The following C1orf185 variants were observed in gnomAD, a reference collection of about 807,000 sequenced individuals.
C1orf185 encodes the protein uncharacterized protein C1orf185.
A neutral mutation model predicts 16.1 loss-of-function variants in C1orf185; 13 were observed. That is an observed-to-expected ratio of 0.81 (90% CI 0.53 to 1.28). The LOEUF is 1.28. Among genes scored for constraint, C1orf185 ranks in the 50% most tolerant of loss-of-function variants. The pLI is 0.00. For missense variants in C1orf185, 220 were observed against 225.2 expected, an observed-to-expected ratio of 0.98 and a Z score of 0.15; for synonymous variants, 80 against 76.9, an observed-to-expected ratio of 1.04 and a Z score of -0.21.
chr1:51,107,651 G>A (rs74080727), intron 1 of C1orf185, among the ~76,000 whole-genome samples: 2,324 of 152,172 alleles, frequency 0.015, 51 homozygotes, highest in African/African-American at 0.055. Flanking sequence ...TAAGTGGTAA[G>A]TTTGATGAAG....
At chr1:51,129,136 C>T (rs528145941) in intron 3 of C1orf185, among the ~76,000 whole-genome samples, 1 of 152,216 alleles carries the variant, frequency 6.6e-6, no homozygotes, top group South Asian at 2.1e-4. Flanking sequence ...CCACCTGCCT[C>T]GGCCTCCCAA....
intron 3 of C1orf185, among the ~76,000 whole-genome samples, chr1:51,143,482 T>C (rs1485779566): frequency 6.6e-6 from 1 of 152,210 alleles, no homozygotes; most frequent in Non-Finnish European, 1.5e-5. Context: ...ATTTAGTTAG[T>C]AGGTACTGCT....
At chr1:51,103,268 T>A (rs1269901275) in intron 1 of C1orf185, among the ~76,000 whole-genome samples, 1 of 151,666 alleles carries the variant, frequency 6.6e-6, no homozygotes, top group Non-Finnish European at 1.5e-5. Context: ...TAGACAGGGA[T>A]GGTGGCACAC....
chr1:51,134,859 G>A (rs1340122672), intron 3 of C1orf185, among the ~76,000 whole-genome samples: 1 of 152,154 alleles, frequency 6.6e-6, no homozygotes, highest in Non-Finnish European at 1.5e-5. Flanking sequence ...GTGGTAAATA[G>A]CCTATCAACC....
chr1:51,142,640 G>A (rs1322818630), intron 3 of C1orf185, among the ~76,000 whole-genome samples: 1 of 152,072 alleles, frequency 6.6e-6, no homozygotes, highest in African/African-American at 2.4e-5. Flanking sequence ...CCTTTCAAGG[G>A]ATTTTCCACA....
At chr1:51,108,525 A>G (rs1381830036) in intron 1 of C1orf185, among the ~76,000 whole-genome samples, 1 of 152,122 alleles carries the variant, frequency 6.6e-6, no homozygotes, top group Non-Finnish European at 1.5e-5. Context: ...ATTAGAGAAC[A>G]TATTCCTTCT....
At chr1:51,148,415 G>T (rs769586236), downstream of C1orf185, among the ~76,000 whole-genome samples, 3 of 152,094 alleles carry the variant, frequency 2.0e-5, no homozygotes, top group Non-Finnish European at 1.5e-5. Context: ...GAGCCACTGC[G>T]CCTGGCCAGA....
At chr1:51,108,933 T>G (rs1646093332) in intron 1 of C1orf185, among the ~76,000 whole-genome samples, 1 of 152,200 alleles carries the variant, frequency 6.6e-6, no homozygotes, top group African/African-American at 2.4e-5. Context: ...TTTAAATGTA[T>G]ATGCAGAAGT....
chr1:51,143,498 A>G (rs1231357267), intron 3 of C1orf185, among the ~76,000 whole-genome samples: 1 of 152,110 alleles, frequency 6.6e-6, no homozygotes, highest in Non-Finnish European at 1.5e-5. Flanking sequence ...CTGCTTCAAG[A>G]TTGTTCTTCT....
intron 2 of C1orf185, among the ~76,000 whole-genome samples, chr1:51,113,011 G>T (rs1329016900): frequency 6.6e-6 from 1 of 151,676 alleles, no homozygotes; most frequent in African/African-American, 2.4e-5. Flanking sequence ...TAGAGACGGG[G>T]TTTCACCATG....
At chr1:51,118,141 A>C (rs950937968) in intron 2 of C1orf185, among the ~76,000 whole-genome samples, 5 of 152,164 alleles carry the variant, frequency 3.3e-5, no homozygotes, top group African/African-American at 1.2e-4. Flanking sequence ...GCTGATCTTG[A>C]ACTCCTGACC....
At chr1:51,134,917 G>A (rs1418155625) in intron 3 of C1orf185, among the ~76,000 whole-genome samples, 1 of 152,152 alleles carries the variant, frequency 6.6e-6, no homozygotes, top group Non-Finnish European at 1.5e-5. Flanking sequence ...TCTACCAGAT[G>A]TGCAAAGAAG....
downstream of C1orf185, among the ~76,000 whole-genome samples, chr1:51,151,775 C>T (rs1478128605): frequency 6.6e-6 from 1 of 152,016 alleles, no homozygotes; most frequent in Non-Finnish European, 1.5e-5. Flanking sequence ...CTGCAACCTC[C>T]GCCACCTGGG....
Position 51,147,660 on chromosome 1 carries a change from G to A in C1orf185, c.489G>A (p.Arg163=), listed in dbSNP as rs267598641. Reference sequence around the variant, plus strand: ...TTTCTGATGATTCTCTAGTGAAAAGGAACTCTCCAATGCCTTCTCTCGGGG... The same window carrying A: ...TTTCTGATGATTCTCTAGTGAAAAGAAACTCTCCAATGCCTTCTCTCGGGG... ...DWFSDDSLVK[R]NSPMPSLGEP... is the part of the protein sequence containing the mutation. Residue 163 remains arginine, a synonymous_variant, in exon 5 of 5, where the codon AGG becomes AGA. Transcript: ENST00000371759. 4 of 1,551,408 alleles carry A rather than the reference G, an allele frequency of 2.6e-6. No individual in the cohort carries two copies. The highest frequency in any genetic ancestry group is 3.5e-6 in the Non-Finnish European group (4 of 1,146,890).
rs144910830 is a variant in C1orf185, at chr1:51,113,600, G to A, written c.122+1031G>A. ...CTCGGGAGGCTAAGACAGGAGAATCGCTTGAACCCAGGATGCAGAGGTTGC... is the reference window on the plus strand; with the variant it reads ...CTCGGGAGGCTAAGACAGGAGAATCACTTGAACCCAGGATGCAGAGGTTGC... On this transcript the variant is annotated intron_variant, in intron 2 of 4. Coordinates refer to ENST00000371759, the MANE Select transcript of C1orf185 (RefSeq NM_001136508.2). Among the ~76,000 whole-genome samples, 1,163 of 152,206 alleles carry A rather than the reference G, an allele frequency of 7.6e-3. 14 individuals carry two copies. Among genetic ancestry groups the A allele is most frequent in the African/African-American group, 0.027 (1,110 of 41,516 alleles).
intron 3 of C1orf185, among the ~76,000 whole-genome samples, chr1:51,139,576 A>C (rs1646350030): frequency 6.6e-6 from 1 of 152,210 alleles, no homozygotes; most frequent in South Asian, 2.1e-4. Context: ...TCTTGGATTT[A>C]AACTGCCTTT....
intron 3 of C1orf185, among the ~76,000 whole-genome samples, chr1:51,125,211 A>G (rs1489909185): frequency 6.6e-6 from 1 of 152,244 alleles, no homozygotes; most frequent in African/African-American, 2.4e-5. Flanking sequence ...TAGAAGGAAG[A>G]GAAAAATTAA....
intron 1 of C1orf185, among the ~76,000 whole-genome samples, chr1:51,110,866 G>C (rs1308669177): frequency 1.3e-5 from 2 of 152,048 alleles, no homozygotes; most frequent in African/African-American, 4.8e-5. Flanking sequence ...CTACTTGGGA[G>C]GGTGAGGCAG....
At chr1:51,112,602 T>G (rs1364010021) in intron 2 of C1orf185, 33 bp downstream of exon 2, 1 of 1,478,392 alleles carries the variant, frequency 6.8e-7, no homozygotes, top group Non-Finnish European at 9.1e-7. Flanking sequence ...TTTAACCTTT[T>G]TTTCTTTTAA....
Sources: gnomAD v4.1 joint callset for allele counts (sites outside exome capture counted in the v4.1 genomes callset) on GRCh38, gnomAD v4.1.1 for gene constraint, MANE v1.5 for transcripts, NCBI Gene and HGNC (gene_info 2026-07-23, HGNC 2026-07-21) for gene names.